Variants in ESRRG observed in about 807,000 individuals in gnomAD.
ESRRG encodes the protein estrogen-related receptor gamma.
ESRRG carries 13 observed loss-of-function variants against 44.0 expected under a neutral mutation model. The ratio of observed to expected loss-of-function variants is 0.30; its 90% CI spans 0.19 to 0.47. ESRRG has a LOEUF of 0.47. ESRRG is among the 20% of genes least tolerant of loss of function. The pLI, the probability that ESRRG is intolerant of heterozygous loss-of-function variation, is 1.00. For synonymous variants in ESRRG, 215 were observed against 214.6 expected (o/e 1.00, Z -0.02); for missense variants, 395 against 580.6 (o/e 0.68, Z 3.29).
At chr1:217,084,442 A>T (rs564524991) in intron 1 of ESRRG, among the ~76,000 whole-genome samples, 2 of 148,022 alleles carry the variant, frequency 1.4e-5, no homozygotes, top group East Asian at 2.0e-4. Flanking sequence ...ATAAAATCAG[A>T]CTTATTAATC....
chr1:216,975,347 G>A lies in ESRRG; in HGVS notation c.-105-35674C>T, dbSNP rs190306492. On this transcript the variant is annotated intron_variant, in intron 1 of 7. Coordinates refer to the ESRRG transcript ENST00000359162. The stretch of plus-strand genomic sequence containing the variant: ...AGATCAAGGACAGACATGGAAAGGG[G>A]AAGACAAAAAGAAGCAACCTCTGTT... Among the ~76,000 whole-genome samples, 7 of 152,276 alleles carry A rather than the reference G, an allele frequency of 4.6e-5. No individual in the cohort carries two copies. The East Asian group carries it at 1.4e-3, about 29-fold the overall frequency.
At chr1:216,802,691 T>C (rs781143663) in intron 2 of ESRRG, among the ~76,000 whole-genome samples, 5 of 152,132 alleles carry the variant, frequency 3.3e-5, no homozygotes, top group Non-Finnish European at 7.4e-5. Context: ...AAATTTCAGA[T>C]GTTTATGCCC....
At chr1:216,969,684 C>T (rs997833053) in intron 1 of ESRRG, among the ~76,000 whole-genome samples, 2 of 152,178 alleles carry the variant, frequency 1.3e-5, no homozygotes, top group Non-Finnish European at 2.9e-5. Context: ...CTCCCTGGTT[C>T]AAGCAACTCT....
chr1:216,627,433 G>A (rs905101566), intron 3 of ESRRG, among the ~76,000 whole-genome samples: 5 of 151,984 alleles, frequency 3.3e-5, no homozygotes, highest in African/African-American at 1.2e-4. Flanking sequence ...ACACATCTCA[G>A]TCCTGTTTAG....
intron 1 of ESRRG, among the ~76,000 whole-genome samples, chr1:217,016,870 A>G (rs774850673): frequency 3.3e-5 from 5 of 152,188 alleles, no homozygotes; most frequent in Non-Finnish European, 7.4e-5. Context: ...AGAATATCCA[A>G]TGCCTATATA....
intron 2 of ESRRG, among the ~76,000 whole-genome samples, chr1:216,906,631 T>A (rs1293804440): frequency 6.6e-6 from 1 of 152,152 alleles, no homozygotes; most frequent in African/African-American, 2.4e-5. Flanking sequence ...AATACACTTA[T>A]CATAATGAAA....
upstream of ESRRG, among the ~76,000 whole-genome samples, chr1:217,091,636 C>CATAG (rs2151550963): frequency 6.6e-6 from 1 of 152,300 alleles, no homozygotes; most frequent in South Asian, 2.1e-4. Context: ...GAAAATTGGA[C>CATAG]ATAGCTTCTC....
chr1:216,554,438 G>A (rs1162363980), intron 5 of ESRRG, among the ~76,000 whole-genome samples: 1 of 138,932 alleles, frequency 7.2e-6, no homozygotes, highest in African/African-American at 2.6e-5. Flanking sequence ...TGGGCGACAA[G>A]AGTGACTCTG....
intron 2 of ESRRG, among the ~76,000 whole-genome samples, chr1:216,745,170 T>C (rs2091247291): frequency 6.6e-6 from 1 of 152,114 alleles, no homozygotes; most frequent in East Asian, 1.9e-4. Context: ...GTTTGTTTGT[T>C]TGTTTTTAAG....
At chr1:216,618,771 G>C (rs573148116) in intron 3 of ESRRG, among the ~76,000 whole-genome samples, 1 of 152,194 alleles carries the variant, frequency 6.6e-6, no homozygotes, top group Non-Finnish European at 1.5e-5. Flanking sequence ...TTTAAGGTTA[G>C]GAGTGATCAC....
chr1:216,736,206 A>T (rs1326203624), intron 2 of ESRRG, among the ~76,000 whole-genome samples: 1 of 128,592 alleles, frequency 7.8e-6, no homozygotes. Flanking sequence ...TTTTTGAGAC[A>T]GAGTCTCGCT....
chr1:216,884,481 G>T (rs1254622950), intron 2 of ESRRG, among the ~76,000 whole-genome samples: 2 of 152,130 alleles, frequency 1.3e-5, no homozygotes, highest in Non-Finnish European at 2.9e-5. Context: ...TGCAGTGGCT[G>T]CCCGAAACTT....
chr1:216,928,497 A>G (rs1203439538), intron 2 of ESRRG, among the ~76,000 whole-genome samples: 1 of 152,196 alleles, frequency 6.6e-6, no homozygotes, highest in African/African-American at 2.4e-5. Flanking sequence ...CCCATTGGGA[A>G]CATCTCCTCT....
intron 2 of ESRRG, among the ~76,000 whole-genome samples, chr1:216,760,201 A>G (rs2152336733): frequency 6.6e-6 from 1 of 152,146 alleles, no homozygotes; most frequent in Admixed American, 6.6e-5. Flanking sequence ...GCCTGCATGG[A>G]TAGATGCATA....
chr1:216,790,375 T>C (rs1475022453), intron 2 of ESRRG, among the ~76,000 whole-genome samples: 1 of 152,146 alleles, frequency 6.6e-6, no homozygotes, highest in East Asian at 1.9e-4. Context: ...CAATTATATT[T>C]GCTTTTTTTA....
At chr1:216,839,884 C>T (rs192582859) in intron 2 of ESRRG, among the ~76,000 whole-genome samples, 12 of 152,326 alleles carry the variant, frequency 7.9e-5, no homozygotes, top group African/African-American at 1.7e-4. Flanking sequence ...ATTCTGTAAA[C>T]AGTCAACCAG....
chr1:216,576,795 A>T (rs2149743340), intron 3 of ESRRG, among the ~76,000 whole-genome samples: 1 of 152,160 alleles, frequency 6.6e-6, no homozygotes, highest in South Asian at 2.1e-4. Flanking sequence ...ATGGAGCCCT[A>T]ATCTATGACA....
intron 5 of ESRRG, among the ~76,000 whole-genome samples, chr1:216,552,841 T>A (rs1011370676): frequency 2.0e-5 from 3 of 152,196 alleles, no homozygotes; most frequent in African/African-American, 7.2e-5. Context: ...CTAGACATGC[T>A]TTTAAATAAA....
chr1:217,130,996 C>T (rs772951002), intron 1 of ESRRG, among the ~76,000 whole-genome samples: 12 of 152,210 alleles, frequency 7.9e-5, no homozygotes, highest in Non-Finnish European at 2.9e-5. Flanking sequence ...GAATTGTAAA[C>T]TCCCGTCAAA....
Sources: allele counts gnomAD v4.1 joint callset (sites outside exome capture counted in the v4.1 genomes callset), GRCh38; gene constraint gnomAD v4.1.1; transcripts MANE v1.5; gene names NCBI Gene and HGNC (gene_info 2026-07-23, HGNC 2026-07-21).